The following CD53 variants were observed in gnomAD, a reference collection of about 807,000 sequenced individuals.
CD53 encodes CD53 molecule, also known as leukocyte surface antigen CD53.
Under a neutral mutation model 27.3 loss-of-function variants are expected in CD53, and 20 were observed. The ratio of observed to expected loss-of-function variants is 0.73; its 90% CI spans 0.52 to 1.07. The LOEUF (loss-of-function observed/expected upper bound fraction) is 1.07. Among genes scored for constraint, CD53 ranks in the 50% least tolerant of loss-of-function variants. The pLI is 0.00. For missense variants in CD53, 216 were observed against 264.0 expected, an observed-to-expected ratio of 0.82 and a Z score of 1.26; for synonymous variants, 106 against 105.3, an observed-to-expected ratio of 1.01 and a Z score of -0.04.
Position 110,890,544 on chromosome 1 carries a change from G to A in CD53, c.-17-848G>A, listed in dbSNP as rs188375965. 1.5e-3 allele frequency among the ~76,000 whole-genome samples: 222 copies of A among 152,088 alleles called. 1 individual carries two copies. Among genetic ancestry groups the A allele is most frequent in the Non-Finnish European group, 2.6e-3 (176 of 67,998 alleles). ...ATTGTGCCACTGCACTCCAGCCTGGGTGACAGATTGAGACCCTGAAAGAAG... is the reference window on the plus strand; with the variant it reads ...ATTGTGCCACTGCACTCCAGCCTGGATGACAGATTGAGACCCTGAAAGAAG... On this transcript the variant is annotated intron_variant, in intron 1 of 7. Transcript: ENST00000271324.
At chr1:110,876,916 G>A (rs1656151429) in intron 1 of CD53, among the ~76,000 whole-genome samples, 1 of 152,084 alleles carries the variant, frequency 6.6e-6, no homozygotes, top group Non-Finnish European at 1.5e-5. Context: ...ACAGTAATTA[G>A]TAATTTGATT....
intron 1 of CD53, among the ~76,000 whole-genome samples, chr1:110,882,215 T>C (rs1009975199): frequency 4.6e-5 from 7 of 152,164 alleles, no homozygotes; most frequent in Non-Finnish European, 5.9e-5. Context: ...TGGAGAATTA[T>C]AGTTTTGGAT....
At chr1:110,889,241 G>C (rs1656749688) in intron 1 of CD53, among the ~76,000 whole-genome samples, 1 of 152,066 alleles carries the variant, frequency 6.6e-6, no homozygotes, top group Admixed American at 6.6e-5. Flanking sequence ...ATTCACTCCT[G>C]ATAAACAGAG....
intron 6 of CD53, among the ~76,000 whole-genome samples, chr1:110,897,017 A>G (rs1657095800): frequency 6.6e-6 from 1 of 152,222 alleles, no homozygotes; most frequent in Admixed American, 6.5e-5. Flanking sequence ...GTGTCTAGAT[A>G]TTTCTTAAGC....
At chr1:110,889,158 A>G (rs1447664060) in intron 1 of CD53, among the ~76,000 whole-genome samples, 2 of 152,204 alleles carry the variant, frequency 1.3e-5, no homozygotes, top group Non-Finnish European at 2.9e-5. Context: ...ATTTATTCAT[A>G]GATGTGTCTT....
At position 110,894,416 on chromosome 1, in the gene CD53, C is replaced by A; in HGVS notation, c.327+15C>A. 6.3e-7 allele frequency: 1 copy of A among 1,598,184 alleles called. No individual in the cohort carries two copies. Among genetic ancestry groups the A allele is most frequent in the African/African-American group, 1.3e-5 (1 of 74,682 alleles). On this transcript the variant is annotated intron_variant, in intron 4 of 7. Transcript: ENST00000271324. ...ATGAACAGAAGGTAAGTTATAAAGACAACAACTTATTGTCTTAATACTGAA... is the reference window on the plus strand; with the variant it reads ...ATGAACAGAAGGTAAGTTATAAAGAAAACAACTTATTGTCTTAATACTGAA...
chr1:110,892,714 G>C, intron 3 of CD53, 181 bp downstream of exon 3: 1 of 570,658 alleles, frequency 1.8e-6, no homozygotes. Flanking sequence ...AGGGTCCCAC[G>C]GACAGGTGAA....
intron 1 of CD53, among the ~76,000 whole-genome samples, chr1:110,878,830 T>C (rs1656226949): frequency 6.6e-6 from 1 of 152,236 alleles, no homozygotes; most frequent in South Asian, 2.1e-4. Flanking sequence ...AAATGTGTTC[T>C]AATAACGTAT....
intron 5 of CD53, among the ~76,000 whole-genome samples, chr1:110,895,723 A>G (rs578044871): frequency 8.5e-5 from 13 of 152,198 alleles, no homozygotes; most frequent in Non-Finnish European, 1.5e-4. Flanking sequence ...AATTCAGTTT[A>G]GAAAACTTTT....
intron 4 of CD53, 85 bp from the exon 5 acceptor site, chr1:110,894,875 A>G: frequency 2.0e-6 from 2 of 1,016,770 alleles, no homozygotes; most frequent in Admixed American, 1.7e-5. Context: ...CGCAAGTGGA[A>G]CCACTAACCT....
At chr1:110,887,285 C>T (rs923939369) in intron 1 of CD53, among the ~76,000 whole-genome samples, 7 of 152,170 alleles carry the variant, frequency 4.6e-5, no homozygotes, top group African/African-American at 1.7e-4. Flanking sequence ...AGGATCGTCT[C>T]GATCTCCTGA....
intron 2 of CD53, 113 bp from the exon 3 acceptor site, chr1:110,892,232 C>G (rs1656882027): frequency 1.2e-6 from 1 of 824,264 alleles, no homozygotes; most frequent in Non-Finnish European, 2.1e-6. Context: ...TCATGAGACT[C>G]TTGATTGAGC....
At chr1:110,875,043 G>T (rs1284282441) in intron 1 of CD53, among the ~76,000 whole-genome samples, 5 of 152,212 alleles carry the variant, frequency 3.3e-5, no homozygotes, top group African/African-American at 1.2e-4. Context: ...AATAGATGGA[G>T]AACGTGCACA....
intron 1 of CD53, among the ~76,000 whole-genome samples, chr1:110,884,523 T>A (rs545007656): frequency 1.3e-5 from 2 of 152,256 alleles, no homozygotes; most frequent in East Asian, 3.9e-4. Flanking sequence ...TGCTTTTCTG[T>A]CTACTGATTC....
chr1:110,872,259 C>T (rs1655989671), upstream of CD53, among the ~76,000 whole-genome samples: 1 of 152,142 alleles, frequency 6.6e-6, no homozygotes, highest in Non-Finnish European at 1.5e-5. Context: ...ATATATTGAT[C>T]ACAGTGTTTC....
At chr1:110,880,715 T>C (rs1275607927) in intron 1 of CD53, among the ~76,000 whole-genome samples, 2 of 152,202 alleles carry the variant, frequency 1.3e-5, no homozygotes, top group Non-Finnish European at 2.9e-5. Context: ...TCTGAGGTAA[T>C]GAGGCTTTGA....
chr1:110,878,563 AT>A (rs970459105), intron 1 of CD53, among the ~76,000 whole-genome samples: 3 of 151,782 alleles, frequency 2.0e-5, no homozygotes, highest in African/African-American at 4.8e-5. Flanking sequence ...TAAATGTAGA[AT>A]TTTTTTTTAA....
At chr1:110,891,623 T>C (rs1004299832) in intron 2 of CD53, 152 bp downstream of exon 2, 3 of 659,302 alleles carry the variant, frequency 4.6e-6, no homozygotes, top group Non-Finnish European at 8.1e-6. Flanking sequence ...AGTAATAATT[T>C]TTCCCCTCTT....
At chr1:110,872,518 C>G (rs75280241), upstream of CD53, among the ~76,000 whole-genome samples, 686 of 152,294 alleles carry the variant, frequency 4.5e-3, 4 homozygotes, top group African/African-American at 0.015. Context: ...ATCTTTGGCT[C>G]CAAATGTGGT....
Sources: allele counts gnomAD v4.1 joint callset (sites outside exome capture counted in the v4.1 genomes callset), GRCh38; gene constraint gnomAD v4.1.1; transcripts MANE v1.5; gene names NCBI Gene and HGNC (gene_info 2026-07-23, HGNC 2026-07-21).